Variants in UNC79 observed in about 807,000 individuals in gnomAD.
UNC79 encodes the protein protein unc-79 homolog.
UNC79 carries 37 observed loss-of-function variants against 283.1 expected under a neutral mutation model. The ratio of observed to expected loss-of-function variants is 0.13; its 90% CI spans 0.10 to 0.17. UNC79 has a LOEUF of 0.17. Ranked by LOEUF, UNC79 falls within the 10% of genes least tolerant of loss-of-function variation. The pLI, the probability that UNC79 is intolerant of heterozygous loss-of-function variation, is 1.00. For missense variants in UNC79, 2,272 were observed against 3,211.1 expected (o/e 0.71, Z 7.07); for synonymous variants, 1,107 against 1,200.2 (o/e 0.92, Z 1.61).
intron 42 of UNC79, among the ~76,000 whole-genome samples, chr14:93,686,085 G>C (rs1446461701): frequency 6.6e-6 from 1 of 152,146 alleles, no homozygotes; most frequent in African/African-American, 2.4e-5. Context: ...CAGCAAACAC[G>C]ATGCTTGTTT....
chr14:93,470,119 C>A (rs942461853), intron 2 of UNC79, among the ~76,000 whole-genome samples: 1 of 152,138 alleles, frequency 6.6e-6, no homozygotes, highest in Non-Finnish European at 1.5e-5. Flanking sequence ...GAGATGAATT[C>A]TCACGAAGTA....
intron 47 of UNC79, among the ~76,000 whole-genome samples, chr14:93,698,476 GTTTTT>G (rs71129655): frequency 2.0e-4 from 16 of 79,096 alleles, no homozygotes; most frequent in African/African-American, 5.6e-4. Context: ...TTTAGTTTAG[GTTTTT>G]TTTTTTTTTT....
At chr14:93,494,465 C>T (rs577338554) in intron 5 of UNC79, among the ~76,000 whole-genome samples, 10 of 152,284 alleles carry the variant, frequency 6.6e-5, no homozygotes, top group East Asian at 5.8e-4. Flanking sequence ...CTGTTTCAGA[C>T]GTGTTGTGTT....
At chr14:93,598,986 C>CAG (rs1480172320) in intron 24 of UNC79, among the ~76,000 whole-genome samples, 1 of 152,162 alleles carries the variant, frequency 6.6e-6, no homozygotes, top group Non-Finnish European at 1.5e-5. Context: ...CACCAAGTCT[C>CAG]AGAGAGATAA....
chr14:93,526,812 G>A (rs905457314), intron 8 of UNC79, among the ~76,000 whole-genome samples: 3 of 152,088 alleles, frequency 2.0e-5, no homozygotes, highest in African/African-American at 7.2e-5. Flanking sequence ...TGAGTAGTGT[G>A]AAAAAGTATC....
chr14:93,608,980 G>A (rs1259067423), intron 26 of UNC79, among the ~76,000 whole-genome samples: 1 of 152,136 alleles, frequency 6.6e-6, no homozygotes, highest in Non-Finnish European at 1.5e-5. Flanking sequence ...GAGTATTAAG[G>A]CAAATGAATA....
chr14:93,521,689 G>A (rs952807874), intron 7 of UNC79, among the ~76,000 whole-genome samples: 1 of 150,734 alleles, frequency 6.6e-6, no homozygotes, highest in Non-Finnish European at 1.5e-5. Context: ...GTTTATGGTG[G>A]GAAGGCAAGT....
In UNC79 at chr14:93,694,431, T is replaced by G; in HGVS notation, c.7548+19T>G. 1 of 1,600,964 alleles carries G rather than the reference T, an allele frequency of 6.2e-7. No individual in the cohort carries two copies. Among genetic ancestry groups the G allele is most frequent in the Non-Finnish European group, 8.6e-7 (1 of 1,169,212 alleles). On this transcript the variant is annotated intron_variant, in intron 47 of 48. Coordinates refer to ENST00000555664, the Ensembl canonical transcript of UNC79. ...TGTCAAGGTAGGAAAACCTTATGAT[T>G]TTTAAAGACCATTTCTTACTGCTAA...
chr14:93,357,708 T>G (rs1246191780), intron 1 of UNC79, among the ~76,000 whole-genome samples: 1 of 128,982 alleles, frequency 7.8e-6, no homozygotes, highest in African/African-American at 3.1e-5. Context: ...TATATATATA[T>G]ATATATATAT....
At chr14:93,391,338 G>C (rs1468780455) in intron 1 of UNC79, among the ~76,000 whole-genome samples, 1 of 152,142 alleles carries the variant, frequency 6.6e-6, no homozygotes, top group African/African-American at 2.4e-5. Context: ...AATTCCACGT[G>C]GGTTGTAGGC....
chr14:93,515,313 T>C (rs1567034642), intron 7 of UNC79, among the ~76,000 whole-genome samples: 1 of 151,834 alleles, frequency 6.6e-6, no homozygotes, highest in Non-Finnish European at 1.5e-5. Context: ...TTTGATGATA[T>C]TCTCTTATCT....
intron 39 of UNC79, among the ~76,000 whole-genome samples, chr14:93,661,748 T>A (rs540016181): frequency 6.6e-6 from 1 of 152,316 alleles, no homozygotes; most frequent in South Asian, 2.1e-4. Context: ...ATTATCTCTT[T>A]TAATTCTCAT....
At chr14:93,517,695 A>G (rs1948003036) in intron 7 of UNC79, among the ~76,000 whole-genome samples, 1 of 151,628 alleles carries the variant, frequency 6.6e-6, no homozygotes, top group African/African-American at 2.4e-5. Flanking sequence ...CCACCATTTC[A>G]TCTTTCTGTG....
At chr14:93,588,495 C>A (rs1232907164) in intron 22 of UNC79, among the ~76,000 whole-genome samples, 2 of 152,090 alleles carry the variant, frequency 1.3e-5, no homozygotes, top group Non-Finnish European at 2.9e-5. Context: ...AATCCCAGCA[C>A]TTTGGGAGGC....
intron 14 of UNC79, among the ~76,000 whole-genome samples, chr14:93,570,845 A>G (rs2063169463): frequency 6.6e-6 from 1 of 152,134 alleles, no homozygotes; most frequent in South Asian, 2.1e-4. Flanking sequence ...ACTATTCAAA[A>G]CCAATAAGCC....
intron 4 of UNC79, among the ~76,000 whole-genome samples, chr14:93,481,224 A>C (rs2058122151): frequency 6.6e-6 from 1 of 152,190 alleles, no homozygotes; most frequent in South Asian, 2.1e-4. Context: ...CATAAATAAA[A>C]TATATTTCTC....
At chr14:93,363,185 G>A (rs572199588) in intron 1 of UNC79, among the ~76,000 whole-genome samples, 58 of 152,216 alleles carry the variant, frequency 3.8e-4, no homozygotes, top group African/African-American at 1.3e-3. Flanking sequence ...TCAGTTTCAA[G>A]GAATTTCTTG....
In UNC79 at chr14:93,617,217, C is replaced by T; in HGVS notation, c.4137C>T (p.Phe1379=). The change falls in exon 28 of 49, where the codon TTC becomes TTT. Residue 1379 remains phenylalanine (F), a synonymous_variant. Coordinates refer to ENST00000555664, the Ensembl canonical transcript of UNC79. This position sits in a 1 kb window ranked among gnomAD's most constrained non-coding sequence, Gnocchi z 4.5. ...CTTGTCCTCAACTCCGGCATTATTTCCAACAGCCGCCTCGTTGCTCCCTCT... is the reference window on the plus strand; with the variant it reads ...CTTGTCCTCAACTCCGGCATTATTTTCAACAGCCGCCTCGTTGCTCCCTCT... 1 of 1,614,190 alleles carries T rather than the reference C, an allele frequency of 6.2e-7. No homozygotes were observed. Among genetic ancestry groups the T allele is most frequent in the South Asian group, 1.1e-5 (1 of 91,076 alleles).
chr14:93,364,289 T>G (rs1158864492), intron 1 of UNC79, among the ~76,000 whole-genome samples: 2 of 152,166 alleles, frequency 1.3e-5, no homozygotes, highest in Non-Finnish European at 2.9e-5. Flanking sequence ...CAATCATGAC[T>G]TCTAACAGCA....
Sources: allele counts gnomAD v4.1 joint callset (sites outside exome capture counted in the v4.1 genomes callset), GRCh38; gene constraint gnomAD v4.1.1; non-coding constraint Gnocchi (gnomAD v3.1); transcripts MANE v1.5; gene names NCBI Gene and HGNC (gene_info 2026-07-23, HGNC 2026-07-21).